The following SLC8A1 variants were observed in gnomAD, a reference collection of about 807,000 sequenced individuals.
SLC8A1 encodes the protein solute carrier family 8 member A1.
SLC8A1 carries 18 observed loss-of-function variants against 68.3 expected under a neutral mutation model. That is an observed-to-expected ratio of 0.26 (90% CI 0.18 to 0.39). The LOEUF (loss-of-function observed/expected upper bound fraction) is 0.39. Among genes scored for constraint, SLC8A1 ranks in the 10% least tolerant of loss-of-function variants. The pLI is 1.00. For synonymous variants in SLC8A1, 475 were observed against 415.5 expected, an observed-to-expected ratio of 1.14 and a Z score of -1.74; for missense variants, 985 against 1,156.7, an observed-to-expected ratio of 0.85 and a Z score of 2.15.
At chr2:40,269,845 T>G (rs1044541883) in intron 2 of SLC8A1, among the ~76,000 whole-genome samples, 9 of 152,084 alleles carry the variant, frequency 5.9e-5, no homozygotes, top group African/African-American at 2.2e-4. Context: ...GTGCACAATG[T>G]GCAGGTTAGT....
At chr2:40,413,771 T>A (rs769168808) in intron 2 of SLC8A1, among the ~76,000 whole-genome samples, 2 of 152,172 alleles carry the variant, frequency 1.3e-5, no homozygotes, top group African/African-American at 2.4e-5. Flanking sequence ...TCATTTAAAT[T>A]TCCTTTGTTC....
chr2:40,104,981 T>A (rs1053651789), exon 8 of SLC8A1: 2 of 152,172 alleles, frequency 1.3e-5, no homozygotes, highest in African/African-American at 4.8e-5. Context: ...AATGTTAATA[T>A]AGAGACAATC....
At chr2:40,238,654 T>C (rs1209264880) in intron 2 of SLC8A1, among the ~76,000 whole-genome samples, 1 of 152,210 alleles carries the variant, frequency 6.6e-6, no homozygotes, top group African/African-American at 2.4e-5. Flanking sequence ...TTACTGGCAA[T>C]ATTCCCCAAG....
At chr2:40,200,224 T>TATATAAATATATATATATAAA (rs1558722544) in intron 2 of SLC8A1, among the ~76,000 whole-genome samples, 1 of 4,570 alleles carries the variant, frequency 2.2e-4, no homozygotes, top group African/African-American at 5.2e-4. Flanking sequence ...ATATATTTTT[T>TATATAAATATATATATATAAA]TATATATATA....
At chr2:40,325,559 T>A (rs2075720997) in intron 2 of SLC8A1, among the ~76,000 whole-genome samples, 1 of 152,156 alleles carries the variant, frequency 6.6e-6, no homozygotes, top group African/African-American at 2.4e-5. Flanking sequence ...TATATTATAA[T>A]ACCATTAAAA....
intron 2 of SLC8A1, among the ~76,000 whole-genome samples, chr2:40,413,413 T>C (rs918525414): frequency 3.3e-5 from 5 of 152,248 alleles, no homozygotes; most frequent in Non-Finnish European, 5.9e-5. Flanking sequence ...CATGGAATAC[T>C]ATGCAGCCAT....
intron 2 of SLC8A1, among the ~76,000 whole-genome samples, chr2:40,283,125 GAAC>G: frequency 6.6e-6 from 1 of 152,122 alleles, no homozygotes; most frequent in Non-Finnish European, 1.5e-5. Context: ...CAGGATAAGA[GAAC>G]AACTAGTCCA....
At chr2:40,250,075 A>G (rs980278856) in intron 2 of SLC8A1, among the ~76,000 whole-genome samples, 8 of 152,232 alleles carry the variant, frequency 5.3e-5, no homozygotes, top group African/African-American at 1.9e-4. Context: ...TTAACAAGCT[A>G]CAGAACAATT....
chr2:40,157,895 G>C (rs1454998828), intron 6 of SLC8A1, among the ~76,000 whole-genome samples: 1 of 152,242 alleles, frequency 6.6e-6, no homozygotes, highest in Admixed American at 6.5e-5. Context: ...GGAATTAAAA[G>C]AACTGGGTTG....
chr2:40,371,634 C>T (rs1678116799), intron 2 of SLC8A1, among the ~76,000 whole-genome samples: 1 of 152,066 alleles, frequency 6.6e-6, no homozygotes. Flanking sequence ...CTAGCTCTTG[C>T]TATTATGAGA....
intron 7 of SLC8A1, among the ~76,000 whole-genome samples, chr2:40,135,023 G>T (rs914738437): frequency 6.6e-6 from 1 of 152,152 alleles, no homozygotes; most frequent in African/African-American, 2.4e-5. Flanking sequence ...AAGACAAACA[G>T]CCAGTCTTGT....
chr2:40,200,676 T>C (rs941245406), intron 2 of SLC8A1, among the ~76,000 whole-genome samples: 1 of 151,782 alleles, frequency 6.6e-6, no homozygotes, highest in Non-Finnish European at 1.5e-5. Context: ...CAGGGGATTC[T>C]AATAGTAAAA....
At chr2:40,267,514 T>C (rs1253244733) in intron 2 of SLC8A1, among the ~76,000 whole-genome samples, 1 of 152,226 alleles carries the variant, frequency 6.6e-6, no homozygotes, top group Non-Finnish European at 1.5e-5. Flanking sequence ...GAGTATTTAA[T>C]TGCTTGTTTG....
At chr2:40,271,618 G>A (rs2066039591) in intron 2 of SLC8A1, among the ~76,000 whole-genome samples, 1 of 152,138 alleles carries the variant, frequency 6.6e-6, no homozygotes, top group Non-Finnish European at 1.5e-5. Flanking sequence ...AGAAGAAAAA[G>A]TTTCTTTAGG....
chr2:40,298,842 G>A (rs1219155920), intron 2 of SLC8A1, among the ~76,000 whole-genome samples: 1 of 152,204 alleles, frequency 6.6e-6, no homozygotes, highest in East Asian at 1.9e-4. Context: ...ACTTATGGAT[G>A]TTTCTGAAGA....
chr2:40,233,378 G>C (rs896747689), intron 2 of SLC8A1, among the ~76,000 whole-genome samples: 4 of 151,504 alleles, frequency 2.6e-5, no homozygotes, highest in African/African-American at 9.7e-5. Flanking sequence ...GTGTTTTTTG[G>C]CTGCATAAAT....
At chr2:40,286,052 T>C (rs2068250512) in intron 2 of SLC8A1, among the ~76,000 whole-genome samples, 1 of 152,122 alleles carries the variant, frequency 6.6e-6, no homozygotes, top group Non-Finnish European at 1.5e-5. Context: ...TCTGGGCTGG[T>C]TCTCTGTGCT....
chr2:40,217,485 GTA>G (rs1335629955), intron 2 of SLC8A1, among the ~76,000 whole-genome samples: 1 of 152,056 alleles, frequency 6.6e-6, no homozygotes, highest in African/African-American at 2.4e-5. Flanking sequence ...CCTTTGTCCT[GTA>G]TAGTTTCTTG....
intron 2 of SLC8A1, among the ~76,000 whole-genome samples, chr2:40,377,122 T>C (rs998564023): frequency 2.7e-5 from 4 of 149,708 alleles, no homozygotes; most frequent in African/African-American, 1.0e-4. Context: ...GACTTTAAGT[T>C]ACTCAAGGAA....
Sources: gnomAD v4.1 joint callset for allele counts (sites outside exome capture counted in the v4.1 genomes callset) on GRCh38, gnomAD v4.1.1 for gene constraint, MANE v1.5 for transcripts, NCBI Gene and HGNC (gene_info 2026-07-23, HGNC 2026-07-21) for gene names.